THSD7A: variants seen among roughly 807,000 people sequenced by gnomAD.
The protein encoded by THSD7A is thrombospondin type 1 domain containing 7A.
Under a neutral mutation model 231.3 loss-of-function variants are expected in THSD7A, and 96 were observed. The observed-to-expected ratio is 0.41, with a 90% CI of 0.35 to 0.49. The LOEUF is 0.49. Ranked by LOEUF, THSD7A falls within the 20% of genes least tolerant of loss-of-function variation. The pLI is 0.05. For missense variants in THSD7A, 2,290 were observed against 2,070.2 expected (o/e 1.11, Z -2.06); for synonymous variants, 940 against 743.3 (o/e 1.26, Z -4.30).
chr7:11,511,299 G>T lies in THSD7A; in HGVS notation c.1823-29317C>A, dbSNP rs759227558. Among the ~76,000 whole-genome samples the T allele has an allele frequency of 4.1e-4, 62 of 152,260 alleles. No individual in the cohort carries two copies. In the Middle Eastern group the frequency reaches 0.017, roughly 42 times the overall value. ...AAATAAAAGAGGACACAAACAAATGGAAGAACATTCCATGCTCATGGATAG... is the reference window on the plus strand; with the variant it reads ...AAATAAAAGAGGACACAAACAAATGTAAGAACATTCCATGCTCATGGATAG... On this transcript the variant is annotated intron_variant, in intron 6 of 27. Coordinates refer to ENST00000423059, the MANE Select transcript of THSD7A (RefSeq NM_015204.3).
chr7:11,563,197 TAA>T lies in THSD7A; in HGVS notation c.1454-20082_1454-20081del, dbSNP rs11392778. ...ATGGTGACATAAACCCCATCATACT[TAA>T]AAAAAATTTATAACACATTGTTTTC... On this transcript the variant is annotated intron_variant, in intron 4 of 27. Transcript: ENST00000423059. 3.6e-3 allele frequency among the ~76,000 whole-genome samples: 546 copies of T among 151,520 alleles called. 1 individual carries two copies. The highest frequency in any genetic ancestry group is 0.013 in the African/African-American group (526 of 41,280).
intron 4 of THSD7A, among the ~76,000 whole-genome samples, chr7:11,559,534 T>TATATATAA (rs1562718440): frequency 1.1e-4 from 11 of 102,730 alleles, no homozygotes; most frequent in Non-Finnish European, 2.4e-4. Flanking sequence ...TATATATATA[T>TATATATAA]AAATCCATAT....
At chr7:11,687,885 T>A (rs1358413063) in intron 1 of THSD7A, among the ~76,000 whole-genome samples, 3 of 151,830 alleles carry the variant, frequency 2.0e-5, no homozygotes, top group East Asian at 2.0e-4. Flanking sequence ...TTAATTTAAT[T>A]TTATTTTTTT....
intron 4 of THSD7A, among the ~76,000 whole-genome samples, chr7:11,581,756 C>A (rs986128223): frequency 6.6e-6 from 1 of 151,904 alleles, no homozygotes; most frequent in East Asian, 1.9e-4. Flanking sequence ...ATTGATCCAA[C>A]CTCTTACTCT....
At chr7:11,717,039 G>A (rs1277527299) in intron 1 of THSD7A, among the ~76,000 whole-genome samples, 2 of 151,586 alleles carry the variant, frequency 1.3e-5, no homozygotes, top group Non-Finnish European at 3.0e-5. Context: ...TTCCCCAAGA[G>A]TTCCATTTGC....
chr7:11,560,732 T>C (rs1417047387), intron 4 of THSD7A, among the ~76,000 whole-genome samples: 1 of 152,162 alleles, frequency 6.6e-6, no homozygotes, highest in Non-Finnish European at 1.5e-5. Context: ...TGCCCATGGT[T>C]GCATTCTCCC....
intron 2 of THSD7A, among the ~76,000 whole-genome samples, chr7:11,615,671 A>G (rs59387506): frequency 6.6e-6 from 1 of 152,256 alleles, no homozygotes; most frequent in African/African-American, 2.4e-5. Flanking sequence ...TTTTTGCTCA[A>G]TCCCTTCTAT....
chr7:11,635,021 C>G (rs1043047204), intron 2 of THSD7A, among the ~76,000 whole-genome samples: 1 of 152,096 alleles, frequency 6.6e-6, no homozygotes, highest in East Asian at 1.9e-4. Flanking sequence ...GCATGCCACA[C>G]AGTCCTATTT....
At chr7:11,376,497 T>A in intron 27 of THSD7A, 73 bp downstream of exon 27, 1 of 1,161,104 alleles carries the variant, frequency 8.6e-7, no homozygotes, top group Non-Finnish European at 1.2e-6. Flanking sequence ...GAGTACTTAT[T>A]TGAGACATTA....
chr7:11,511,398 A>G (rs910520751), intron 6 of THSD7A, among the ~76,000 whole-genome samples: 1 of 152,192 alleles, frequency 6.6e-6, no homozygotes, highest in African/African-American at 2.4e-5. Context: ...CCATCAAACT[A>G]CCAATGACTT....
Position 11,674,060 on chromosome 7 carries a change from T to C in THSD7A, c.191-37099A>G, listed in dbSNP as rs192846469. Among the ~76,000 whole-genome samples the C allele has an allele frequency of 1.6e-4, 24 of 151,824 alleles. No homozygotes were observed. In the East Asian group the frequency reaches 4.3e-3, roughly 28 times the overall value. ...CACCGACTCTACAAGCACAAGACAC[T>C]GGCAGGTCACTCAGGAGTTGCAGGT... On this transcript the variant is annotated intron_variant, in intron 1 of 27. Transcript: ENST00000423059.
intron 6 of THSD7A, among the ~76,000 whole-genome samples, chr7:11,504,755 T>C (rs1787475098): frequency 6.6e-6 from 1 of 152,170 alleles, no homozygotes; most frequent in South Asian, 2.1e-4. Flanking sequence ...GTAAATCAAT[T>C]CCACCATCCA....
chr7:11,396,534 A>G (rs1783194274), intron 23 of THSD7A, among the ~76,000 whole-genome samples: 1 of 152,216 alleles, frequency 6.6e-6, no homozygotes, highest in Non-Finnish European at 1.5e-5. Context: ...GAAAATTTAG[A>G]AGAGAGAAAT....
At chr7:11,547,010 A>G (rs552462467) in intron 4 of THSD7A, among the ~76,000 whole-genome samples, 1 of 152,324 alleles carries the variant, frequency 6.6e-6, no homozygotes, top group Non-Finnish European at 1.5e-5. Flanking sequence ...AAAATAATGT[A>G]AACAAATTAA....
At chr7:11,756,644 G>C (rs1782686554) in intron 1 of THSD7A, among the ~76,000 whole-genome samples, 1 of 152,056 alleles carries the variant, frequency 6.6e-6, no homozygotes, top group East Asian at 1.9e-4. Context: ...AAAAAGGAGA[G>C]AGATGTGATT....
intron 26 of THSD7A, chr7:11,376,887 G>T: frequency 2.9e-6 from 1 of 348,550 alleles, no homozygotes; most frequent in East Asian, 4.3e-5. Flanking sequence ...ATAAATGTTT[G>T]ACTTCAGATT....
chr7:11,525,472 T>C (rs1386811578), intron 6 of THSD7A, among the ~76,000 whole-genome samples: 1 of 152,168 alleles, frequency 6.6e-6, no homozygotes, highest in African/African-American at 2.4e-5. Context: ...AACAACTTAC[T>C]ACTTACAAGT....
intron 4 of THSD7A, among the ~76,000 whole-genome samples, chr7:11,558,729 A>G (rs1026312917): frequency 3.2e-4 from 48 of 152,206 alleles, no homozygotes; most frequent in African/African-American, 1.0e-3. Flanking sequence ...GAGTAAAATT[A>G]AGCATTGATT....
At chr7:11,519,777 T>A (rs1260673036) in intron 6 of THSD7A, among the ~76,000 whole-genome samples, 1 of 152,098 alleles carries the variant, frequency 6.6e-6, no homozygotes, top group African/African-American at 2.4e-5. Context: ...TTGTTGATAA[T>A]ATTGTACTTT....
Sources: allele counts gnomAD v4.1 joint callset (sites outside exome capture counted in the v4.1 genomes callset), GRCh38; gene constraint gnomAD v4.1.1; transcripts MANE v1.5; gene names NCBI Gene and HGNC (gene_info 2026-07-23, HGNC 2026-07-21).